The following TRIO variants were observed in gnomAD, a reference collection of about 807,000 sequenced individuals.
The protein encoded by TRIO is triple functional domain protein.
In TRIO, 58 loss-of-function variants were observed where a neutral mutation model predicts 351.9. That is an observed-to-expected ratio of 0.16 (90% CI 0.13 to 0.21). The LOEUF (loss-of-function observed/expected upper bound fraction) is 0.21, where lower values mean the gene tolerates loss of function less well. Among genes scored for constraint, TRIO ranks in the 10% least tolerant of loss-of-function variants. The probability of loss-of-function intolerance (pLI) is 1.00; values close to 1 mark genes in which losing one functional copy is unlikely to be tolerated. For synonymous variants in TRIO, 1,758 were observed against 1,595.7 expected, an observed-to-expected ratio of 1.10 and a Z score of -2.42; for missense variants, 3,201 against 4,027.8, an observed-to-expected ratio of 0.79 and a Z score of 5.56.
intron 1 of TRIO, among the ~76,000 whole-genome samples, chr5:14,190,635 A>C (rs1055210471): frequency 6.6e-6 from 1 of 152,162 alleles, no homozygotes; most frequent in African/African-American, 2.4e-5. Context: ...AGAATGCTTT[A>C]AGTTGTCTTC....
At chr5:14,200,104 G>A (rs1392127495) in intron 1 of TRIO, among the ~76,000 whole-genome samples, 1 of 152,122 alleles carries the variant, frequency 6.6e-6, no homozygotes, top group South Asian at 2.1e-4. Flanking sequence ...AAGAGAGTGA[G>A]AGAACCAGCC....
chr5:14,229,768 T>C (rs981639059), intron 1 of TRIO, among the ~76,000 whole-genome samples: 2 of 152,178 alleles, frequency 1.3e-5, no homozygotes, highest in African/African-American at 4.8e-5. Context: ...AAATAGCGCT[T>C]TAACTCACAA....
intron 36 of TRIO, among the ~76,000 whole-genome samples, chr5:14,464,576 C>G (rs1561522393): frequency 1.3e-5 from 2 of 151,918 alleles, no homozygotes; most frequent in Non-Finnish European, 2.9e-5. Context: ...GAATTTTTTT[C>G]TTTGTTTTCT....
chr5:14,273,886 A>G (rs1201054883), intron 2 of TRIO, among the ~76,000 whole-genome samples: 1 of 152,234 alleles, frequency 6.6e-6, no homozygotes. Context: ...TTTTAACATC[A>G]AAAGGAAAGA....
chr5:14,435,438 C>A (rs183271906), intron 34 of TRIO, among the ~76,000 whole-genome samples: 11 of 152,330 alleles, frequency 7.2e-5, no homozygotes, highest in African/African-American at 2.6e-4. Context: ...ATTTCCCCCA[C>A]TGTAAAGTTA....
At chr5:14,265,708 C>T (rs548834011) in intron 1 of TRIO, among the ~76,000 whole-genome samples, 9 of 152,280 alleles carry the variant, frequency 5.9e-5, no homozygotes, top group African/African-American at 2.2e-4. Flanking sequence ...CTCAGTGCAG[C>T]ATCTCTTTGC....
intron 1 of TRIO, among the ~76,000 whole-genome samples, chr5:14,193,842 A>G (rs773325420): frequency 5.9e-5 from 9 of 152,316 alleles, no homozygotes; most frequent in Non-Finnish European, 8.8e-5. Context: ...CATGATGGCA[A>G]TGATGATGAG....
intron 21 of TRIO, among the ~76,000 whole-genome samples, chr5:14,384,859 A>G (rs150136834): frequency 0.024 from 3,347 of 140,026 alleles, 40 homozygotes; most frequent in Non-Finnish European, 0.036. Flanking sequence ...GAAGATATAT[A>G]GGCAGCTCAT....
At chr5:14,155,254 A>G (rs1309703716) in intron 1 of TRIO, among the ~76,000 whole-genome samples, 2 of 152,170 alleles carry the variant, frequency 1.3e-5, no homozygotes, top group Non-Finnish European at 2.9e-5. Context: ...GGATATAGCT[A>G]ATTTACATGT....
At chr5:14,506,933 A>T (rs1383122992) in intron 55 of TRIO, among the ~76,000 whole-genome samples, 189 bp from the exon 56 acceptor site, 1 of 151,742 alleles carries the variant, frequency 6.6e-6, no homozygotes, top group Non-Finnish European at 1.5e-5. Flanking sequence ...CCTGTACCCC[A>T]CTCGCATCTT....
chr5:14,292,327 C>G (rs1386336196), intron 5 of TRIO, among the ~76,000 whole-genome samples: 1 of 152,236 alleles, frequency 6.6e-6, no homozygotes, highest in Non-Finnish European at 1.5e-5. Context: ...GACCAGGTTA[C>G]TGTCACTGGG....
chr5:14,471,267 A>G (rs781370275), intron 37 of TRIO, 51 bp from the exon 38 acceptor site: 1 of 1,534,980 alleles, frequency 6.5e-7, no homozygotes, highest in Admixed American at 1.9e-5. Flanking sequence ...AGTTTTAGCC[A>G]ATCATGGGCT....
chr5:14,414,201 G>A (rs903402529), intron 33 of TRIO, among the ~76,000 whole-genome samples: 3 of 152,130 alleles, frequency 2.0e-5, no homozygotes, highest in Admixed American at 6.5e-5. Flanking sequence ...GCCAGAAAGC[G>A]TTTACCTGCC....
rs561804669 is a variant in TRIO at position 14,286,632 on chromosome 5, A to G, written c.348-239A>G. 4.5e-4 allele frequency among the ~76,000 whole-genome samples: 68 copies of G among 152,320 alleles called. No individual in the cohort carries two copies. Among genetic ancestry groups the G allele is most frequent in the Non-Finnish European group, 9.4e-4 (64 of 68,018 alleles). On this transcript the variant is annotated intron_variant, in intron 3 of 56. Transcript: ENST00000344204. The surrounding 1 kb of genome is among the most constrained non-coding windows in gnomAD (Gnocchi z 4.4). ...GAAGACGGGATGCAAAACCATTAAT[A>G]CAAAATTGAAATCTTAACAGGTTTT...
intron 2 of TRIO, among the ~76,000 whole-genome samples, chr5:14,279,363 TTTTA>T (rs2152275793): frequency 6.6e-6 from 1 of 152,172 alleles, no homozygotes; most frequent in Admixed American, 6.5e-5. Context: ...CTGGGTTTTT[TTTTA>T]TTTGTTTGCT....
chr5:14,179,462 T>C (rs1471578495), intron 1 of TRIO, among the ~76,000 whole-genome samples: 2 of 152,138 alleles, frequency 1.3e-5, no homozygotes, highest in African/African-American at 2.4e-5. Flanking sequence ...TTTTTTTTTT[T>C]TCTTAAAATC....
At chr5:14,159,543 T>C (rs1238088711) in intron 1 of TRIO, among the ~76,000 whole-genome samples, 1 of 152,126 alleles carries the variant, frequency 6.6e-6, no homozygotes, top group African/African-American at 2.4e-5. Flanking sequence ...TGTCATTGTT[T>C]TTCTGCTAGT....
chr5:14,286,815 C>G lies in TRIO; in HGVS notation c.348-56C>G, dbSNP rs961170190. On this transcript the variant is annotated intron_variant, in intron 3 of 56. Coordinates refer to ENST00000344204, the MANE Select transcript of TRIO (RefSeq NM_007118.4). The surrounding 1 kb of genome is among the most constrained non-coding windows in gnomAD (Gnocchi z 4.4). ...CTGTGGCACCCAGTGGGACTCTGAC[C>G]AGGCAGAGTGGCAAGAGATGTAACC... 7 of 1,556,076 alleles carry G rather than the reference C, an allele frequency of 4.5e-6. No individual in the cohort carries two copies. In the South Asian group the frequency reaches 7.3e-5, roughly 16 times the overall value.
At chr5:14,348,078 G>A (rs544116242) in intron 11 of TRIO, among the ~76,000 whole-genome samples, 8 of 152,290 alleles carry the variant, frequency 5.3e-5, no homozygotes, top group Middle Eastern at 3.4e-3. Flanking sequence ...GGAGGCCGTC[G>A]TCTTGCTTTC....
Sources: gnomAD v4.1 joint callset for allele counts (sites outside exome capture counted in the v4.1 genomes callset) on GRCh38, gnomAD v4.1.1 for gene constraint, Gnocchi (gnomAD v3.1) non-coding constraint, MANE v1.5 for transcripts, NCBI Gene and HGNC (gene_info 2026-07-23, HGNC 2026-07-21) for gene names.